The following RUFY3 variants were observed in gnomAD, a reference collection of about 807,000 sequenced individuals.
The protein encoded by RUFY3 is RUN and FYVE domain containing 3.
RUFY3 carries 34 observed loss-of-function variants against 84.0 expected under a neutral mutation model. The observed-to-expected ratio is 0.40, with a 90% CI of 0.31 to 0.54. The LOEUF (loss-of-function observed/expected upper bound fraction) is 0.54, where lower values mean the gene tolerates loss of function less well. Ranked by LOEUF, RUFY3 falls within the 20% of genes least tolerant of loss-of-function variation. The probability of loss-of-function intolerance (pLI) is 0.39; values close to 1 mark genes in which losing one functional copy is unlikely to be tolerated. For synonymous variants in RUFY3, 242 were observed against 252.9 expected (o/e 0.96, Z 0.41); for missense variants, 507 against 736.8 (o/e 0.69, Z 3.61).
chr4:70,728,658 TAAAC>T (rs1231159633), intron 1 of RUFY3, among the ~76,000 whole-genome samples: 1 of 152,238 alleles, frequency 6.6e-6, no homozygotes, highest in Non-Finnish European at 1.5e-5. Context: ...TCCTTGTTCT[TAAAC>T]TAAATGTCCA....
intron 1 of RUFY3, among the ~76,000 whole-genome samples, chr4:70,760,360 T>C (rs932306469): frequency 6.6e-6 from 1 of 152,222 alleles, no homozygotes; most frequent in African/African-American, 2.4e-5. Context: ...TTGTAAACTT[T>C]GACTAGCAGC....
At chr4:70,747,527 G>GA (rs1455681593) in intron 1 of RUFY3, among the ~76,000 whole-genome samples, 4 of 151,872 alleles carry the variant, frequency 2.6e-5, no homozygotes, top group Non-Finnish European at 5.9e-5. Context: ...TTCCTGAAAG[G>GA]ACTGTTTTGG....
chr4:70,758,454 G>A (rs1724408109), intron 1 of RUFY3, among the ~76,000 whole-genome samples: 1 of 151,980 alleles, frequency 6.6e-6, no homozygotes. Flanking sequence ...AACATAGCAA[G>A]ACTAAATAGC....
intron 1 of RUFY3, among the ~76,000 whole-genome samples, chr4:70,734,061 T>A (rs1038984511): frequency 6.6e-6 from 1 of 152,236 alleles, no homozygotes; most frequent in Non-Finnish European, 1.5e-5. Context: ...CTGCTTTAGA[T>A]TCAATTTCCA....
chr4:70,797,216 G>A (rs1410831265), intron 14 of RUFY3, among the ~76,000 whole-genome samples: 2 of 152,022 alleles, frequency 1.3e-5, no homozygotes, highest in African/African-American at 4.8e-5. Flanking sequence ...GTGCTAGGAT[G>A]ACAGGCATGA....
rs922937992 is a variant in RUFY3 at position 70,722,696 on chromosome 4, C to T, written c.123C>T (p.Cys41=). The change falls in exon 1 of 18, where the codon TGC becomes TGT. Residue 41 remains cysteine (C), a synonymous_variant. Coordinates refer to ENST00000381006, the MANE Select transcript of RUFY3 (RefSeq NM_001037442.4). ...TGTCCATGGATGGAGAATGGCTCTGCCTGCGAGAGCTGGATGACATCTCAC... is the reference window on the plus strand; with the variant it reads ...TGTCCATGGATGGAGAATGGCTCTGTCTGCGAGAGCTGGATGACATCTCAC... ...FRVSMDGEWL[C]LRELDDISLT... 6.2e-7 allele frequency: 1 copy of T among 1,614,110 alleles called. No individual in the cohort carries two copies. Among genetic ancestry groups the T allele is most frequent in the Non-Finnish European group, 8.5e-7 (1 of 1,179,998 alleles).
chr4:70,712,339 C>T (rs768164566), intron 1 of RUFY3, among the ~76,000 whole-genome samples: 12 of 152,108 alleles, frequency 7.9e-5, no homozygotes, highest in Non-Finnish European at 1.6e-4. Context: ...AATTCATATT[C>T]CTCAATAGTC....
At chr4:70,741,424 A>G (rs1009904763) in intron 1 of RUFY3, among the ~76,000 whole-genome samples, 2 of 152,176 alleles carry the variant, frequency 1.3e-5, no homozygotes, top group Non-Finnish European at 2.9e-5. Flanking sequence ...TTTGAAACAT[A>G]TTTAATAACC....
Position 70,806,634 on chromosome 4 carries a change from A to G in RUFY3, c.1838A>G (p.Lys613Arg). Residue 613 changes from lysine (K) to arginine (R), a missense_variant, in exon 18 of 18, where the codon AAG becomes AGG. Physicochemically the swap from Lys to Arg is conservative, Grantham distance 26. Coordinates refer to ENST00000381006, the MANE Select transcript of RUFY3 (RefSeq NM_001037442.4). ...VCNPCHKHLM[K>R]QYSTSPS ...AATCCCTGTCACAAGCATCTGATGAAGCAATATTCTACCAGCCCATCATAA... is the reference window on the plus strand; with the variant it reads ...AATCCCTGTCACAAGCATCTGATGAGGCAATATTCTACCAGCCCATCATAA... The G allele has an allele frequency of 1.2e-6, 2 of 1,614,140 alleles. No homozygotes were observed. The highest frequency in any genetic ancestry group is 1.7e-6 in the Non-Finnish European group (2 of 1,180,010).
chr4:70,762,595 A>T lies in RUFY3; in HGVS notation c.255A>T (p.Glu85Asp), dbSNP rs1456192140. 1 of 1,613,950 alleles carries T rather than the reference A, an allele frequency of 6.2e-7. No homozygotes were observed. Among genetic ancestry groups the T allele is most frequent in the Admixed American group, 1.7e-5 (1 of 60,016 alleles). ...MAKLSIKGLIESALNLGRTLD... is the reference protein window; with the variant it reads ...MAKLSIKGLIDSALNLGRTLD... ...AGCTGAGTATCAAGGGCTTGATTGA[A>T]TCAGCTCTGAACCTGGGGAGGACTC... The change falls in exon 2 of 18, where the codon GAA (glutamate) becomes GAT (aspartate). Residue 85 changes from glutamate to aspartate, a missense_variant. Glu to Asp is a conservative substitution (Grantham distance 45, BLOSUM62 2). This residue lies in a region of RUFY3 where 133 missense variants were observed against 301.1 expected (regional missense o/e 0.44). Coordinates refer to ENST00000381006, the MANE Select transcript of RUFY3 (RefSeq NM_001037442.4).
At chr4:70,746,265 GC>G (rs1224474216) in intron 1 of RUFY3, among the ~76,000 whole-genome samples, 1 of 151,102 alleles carries the variant, frequency 6.6e-6, no homozygotes, top group African/African-American at 2.4e-5. Context: ...AATCGCTTGA[GC>G]CCGGGAGGCG....
At chr4:70,767,141 A>G (rs1477510913) in intron 4 of RUFY3, among the ~76,000 whole-genome samples, 1 of 151,480 alleles carries the variant, frequency 6.6e-6, no homozygotes, top group Non-Finnish European at 1.5e-5. Context: ...GCTGGAGTGC[A>G]GTGGCACGAT....
At chr4:70,758,252 AATAGT>A (rs1724370376) in intron 1 of RUFY3, among the ~76,000 whole-genome samples, 1 of 152,208 alleles carries the variant, frequency 6.6e-6, no homozygotes, top group Non-Finnish European at 1.5e-5. Context: ...TTTACACTTG[AATAGT>A]ATTTAAGACA....
intron 1 of RUFY3, among the ~76,000 whole-genome samples, chr4:70,712,762 C>T (rs1741127124): frequency 1.3e-5 from 2 of 152,114 alleles, no homozygotes; most frequent in South Asian, 2.1e-4. Context: ...AAAGAACTAA[C>T]TAAAAAATGG....
At chr4:70,734,636 A>C in intron 1 of RUFY3, 7 of 883,970 alleles carry the variant, frequency 7.9e-6, no homozygotes, top group Non-Finnish European at 9.5e-6. Flanking sequence ...GTAAAATTCT[A>C]AATCTGGGTG....
At chr4:70,777,710 CAT>C (rs1728187721) in intron 7 of RUFY3, among the ~76,000 whole-genome samples, 1 of 152,056 alleles carries the variant, frequency 6.6e-6, no homozygotes, top group Non-Finnish European at 1.5e-5. Context: ...GAATACCTAA[CAT>C]AAAGGGTTGT....
At chr4:70,798,136 G>C (rs893140457) in intron 14 of RUFY3, among the ~76,000 whole-genome samples, 10 of 152,088 alleles carry the variant, frequency 6.6e-5, no homozygotes, top group African/African-American at 2.2e-4. Flanking sequence ...GGAGGCCGTT[G>C]GCATGAAGAT....
chr4:70,757,541 T>A (rs1423971082), intron 1 of RUFY3, among the ~76,000 whole-genome samples: 2 of 150,772 alleles, frequency 1.3e-5, no homozygotes, highest in Non-Finnish European at 3.0e-5. Context: ...GAAGACGAGG[T>A]TGCAGTGAGC....
chr4:70,787,187 A>T (rs28720022), intron 10 of RUFY3, among the ~76,000 whole-genome samples: 2,072 of 80,810 alleles, frequency 0.026, 13 homozygotes, highest in East Asian at 0.075. Context: ...AAAAAAAAAA[A>T]ATATATATAT....
Sources: gnomAD v4.1 joint callset for allele counts (sites outside exome capture counted in the v4.1 genomes callset) on GRCh38, gnomAD v4.1.1 for gene constraint, gnomAD v4.1.1 regional missense constraint, MANE v1.5 for transcripts, NCBI Gene and HGNC (gene_info 2026-07-23, HGNC 2026-07-21) for gene names.